Variants in MTUS1 observed in about 807,000 individuals in gnomAD.
The protein encoded by MTUS1 is microtubule-associated tumor suppressor 1.
A neutral mutation model predicts 120.8 loss-of-function variants in MTUS1; 109 were observed. The observed-to-expected ratio is 0.90, with a 90% CI of 0.77 to 1.06. The LOEUF (loss-of-function observed/expected upper bound fraction) is 1.06, where lower values mean the gene tolerates loss of function less well. MTUS1 is among the 50% of genes least tolerant of loss of function. The probability of loss-of-function intolerance (pLI) is 0.00; values close to 1 mark genes in which losing one functional copy is unlikely to be tolerated. For synonymous variants in MTUS1, 737 were observed against 550.5 expected (o/e 1.34, Z -4.74); for missense variants, 2,210 against 1,486.3 (o/e 1.49, Z -8.01).
intron 1 of MTUS1, among the ~76,000 whole-genome samples, chr8:17,798,629 G>C (rs572168742): frequency 3.3e-5 from 5 of 152,312 alleles, no homozygotes; most frequent in African/African-American, 1.2e-4. Flanking sequence ...ACCGCACCCG[G>C]CTGGAAAATT....
chr8:17,779,054 T>C (rs1365400559), intron 1 of MTUS1, among the ~76,000 whole-genome samples: 1 of 152,118 alleles, frequency 6.6e-6, no homozygotes, highest in African/African-American at 2.4e-5. Flanking sequence ...ATGGATGCTC[T>C]GATTGCTATT....
At position 17,683,771 on chromosome 8, in the gene MTUS1, G is replaced by C. The variant is rs150012363; in HGVS notation, c.2838+557C>G. ...TGGTTTTCTCAATGAATTTTAGCCA[G>C]TTCCTGAAATAACATCCCTGAAGAA... is the stretch of plus-strand genomic sequence containing the variant. On this transcript the variant is annotated intron_variant, in intron 7 of 14. Coordinates refer to ENST00000693296, the MANE Select transcript of MTUS1 (RefSeq NM_001363059.2). 7.1e-3 allele frequency among the ~76,000 whole-genome samples: 1,080 copies of C among 152,300 alleles called. 3 individuals carry two copies. The highest frequency in any genetic ancestry group is 0.011 in the Non-Finnish European group (763 of 68,032).
At chr8:17,683,890 C>T (rs1056861038) in intron 7 of MTUS1, among the ~76,000 whole-genome samples, 13 of 151,942 alleles carry the variant, frequency 8.6e-5, no homozygotes, top group Admixed American at 8.5e-4. Context: ...AGAAAGAATC[C>T]CCAGATATGA....
At chr8:17,767,694 G>C (rs924114471) in intron 1 of MTUS1, among the ~76,000 whole-genome samples, 2 of 82,166 alleles carry the variant, frequency 2.4e-5, no homozygotes, top group Admixed American at 2.5e-4. Flanking sequence ...GCAAGACCCT[G>C]TCTCTTAAAA....
intron 8 of MTUS1, among the ~76,000 whole-genome samples, chr8:17,673,674 C>CA (rs1812483534): frequency 6.6e-6 from 1 of 152,094 alleles, no homozygotes; most frequent in Non-Finnish European, 1.5e-5. Flanking sequence ...AAGCTGGTCT[C>CA]AAACTGCTGG....
At chr8:17,663,787 G>T (rs1212353751) in intron 8 of MTUS1, among the ~76,000 whole-genome samples, 1 of 152,144 alleles carries the variant, frequency 6.6e-6, no homozygotes, top group Non-Finnish European at 1.5e-5. Context: ...GTGGAGACAG[G>T]GTTTCACTAC....
chr8:17,708,204 A>G (rs145574204), intron 6 of MTUS1, among the ~76,000 whole-genome samples: 45 of 152,388 alleles, frequency 3.0e-4, no homozygotes, highest in African/African-American at 9.9e-4. Context: ...TTTGCAAATG[A>G]TAACTCTGAC....
chr8:17,688,136 G>A (rs1007951975), intron 6 of MTUS1, among the ~76,000 whole-genome samples: 1 of 152,116 alleles, frequency 6.6e-6, no homozygotes, highest in Non-Finnish European at 1.5e-5. Flanking sequence ...CTTGGGTTCC[G>A]TGAAACACAA....
At chr8:17,749,737 C>G (rs117465385) in intron 2 of MTUS1, among the ~76,000 whole-genome samples, 2 of 151,874 alleles carry the variant, frequency 1.3e-5, no homozygotes, top group Non-Finnish European at 2.9e-5. Context: ...GCCTCCACTT[C>G]CAGTTGTCTC....
chr8:17,662,888 G>A (rs1161811490), intron 8 of MTUS1, among the ~76,000 whole-genome samples: 2 of 151,540 alleles, frequency 1.3e-5, no homozygotes, highest in African/African-American at 2.4e-5. Context: ...AGGGAGGGAA[G>A]GGGAGGAAGG....
At chr8:17,652,545 A>G (rs577137457) in intron 12 of MTUS1, among the ~76,000 whole-genome samples, 2 of 152,192 alleles carry the variant, frequency 1.3e-5, no homozygotes, top group South Asian at 4.1e-4. Flanking sequence ...TTTGGGGGTG[A>G]TAAAAATGTT....
chr8:17,699,363 C>T (rs370253792), intron 6 of MTUS1, among the ~76,000 whole-genome samples: 24 of 152,104 alleles, frequency 1.6e-4, no homozygotes, highest in Middle Eastern at 3.4e-3. Context: ...TACAGGTGCC[C>T]GCCACCATGC....
intron 1 of MTUS1, among the ~76,000 whole-genome samples, chr8:17,790,150 C>G (rs2051649725): frequency 6.6e-6 from 1 of 151,846 alleles, no homozygotes; most frequent in African/African-American, 2.4e-5. Context: ...AAATCAAGAC[C>G]ATCCTGGCTA....
At chr8:17,795,994 G>A (rs1305657754) in intron 1 of MTUS1, among the ~76,000 whole-genome samples, 1 of 151,452 alleles carries the variant, frequency 6.6e-6, no homozygotes, top group Non-Finnish European at 1.5e-5. Context: ...CTGTTGGCCA[G>A]GCTGGAGGGC....
At chr8:17,752,057 C>G (rs1208703676) in intron 2 of MTUS1, among the ~76,000 whole-genome samples, 1 of 152,004 alleles carries the variant, frequency 6.6e-6, no homozygotes, top group Non-Finnish European at 1.5e-5. Flanking sequence ...CCATTTCAAC[C>G]TGATGATTCT....
intron 8 of MTUS1, among the ~76,000 whole-genome samples, chr8:17,673,122 T>C (rs1365456205): frequency 1.3e-5 from 2 of 152,194 alleles, no homozygotes; most frequent in Non-Finnish European, 2.9e-5. Flanking sequence ...CTGTTAATTA[T>C]GTTATTTAAG....
intron 1 of MTUS1, among the ~76,000 whole-genome samples, chr8:17,780,057 G>T (rs1262046643): frequency 1.3e-5 from 2 of 151,870 alleles, no homozygotes; most frequent in South Asian, 4.1e-4. Context: ...CTGGGTTATG[G>T]GGGTGGATCC....
Position 17,695,582 on chromosome 8 carries a change from C to T in MTUS1, c.2624-11040G>A, listed in dbSNP as rs554951035. ...ATAGAAGCCTTGTGTCGTTTGCTTACGCTGTCTTGGAAAGCTATCTGCTTC... is the reference window on the plus strand; with the variant it reads ...ATAGAAGCCTTGTGTCGTTTGCTTATGCTGTCTTGGAAAGCTATCTGCTTC... On this transcript the variant is annotated intron_variant, in intron 6 of 14. Coordinates refer to ENST00000693296, the MANE Select transcript of MTUS1 (RefSeq NM_001363059.2). 3.4e-4 allele frequency among the ~76,000 whole-genome samples: 52 copies of T among 152,288 alleles called. No individual in the cohort carries two copies. In the Middle Eastern group the frequency reaches 0.014, roughly 40 times the overall value.
chr8:17,712,445 T>C (rs1821498844), intron 6 of MTUS1, among the ~76,000 whole-genome samples: 1 of 152,058 alleles, frequency 6.6e-6, no homozygotes, highest in Non-Finnish European at 1.5e-5. Flanking sequence ...CAAGCAATTA[T>C]CCTGCCTCAG....
Sources: gnomAD v4.1 joint callset for allele counts (sites outside exome capture counted in the v4.1 genomes callset) on GRCh38, gnomAD v4.1.1 for gene constraint, MANE v1.5 for transcripts, NCBI Gene and HGNC (gene_info 2026-07-23, HGNC 2026-07-21) for gene names.